Variants in DPP6 observed in about 807,000 individuals in gnomAD.
DPP6 encodes the protein A-type potassium channel modulatory protein DPP6.
Under a neutral mutation model 122.6 loss-of-function variants are expected in DPP6, and 69 were observed. That is an observed-to-expected ratio of 0.56 (90% confidence interval 0.46 to 0.69). The LOEUF (loss-of-function observed/expected upper bound fraction) is 0.69. DPP6 is among the 30% of genes least tolerant of loss of function. The pLI, the probability that DPP6 is intolerant of heterozygous loss-of-function variation, is 0.00. For missense variants in DPP6, 928 were observed against 1,116.9 expected (o/e 0.83, Z 2.41); for synonymous variants, 418 against 433.1 (o/e 0.97, Z 0.43).
At chr7:154,493,217 G>A (rs902661836) in intron 3 of DPP6, among the ~76,000 whole-genome samples, 1 of 152,158 alleles carries the variant, frequency 6.6e-6, no homozygotes, top group Non-Finnish European at 1.5e-5. Flanking sequence ...CAATAACTTC[G>A]TTAAGCCTCC....
the DPP6 span, among the ~76,000 whole-genome samples, chr7:153,829,993 G>C: frequency 6.6e-6 from 1 of 152,154 alleles, no homozygotes; most frequent in Non-Finnish European, 1.5e-5. Flanking sequence ...AGATTTCATC[G>C]GAGAAGCTAA....
chr7:153,862,304 G>T, the DPP6 span, among the ~76,000 whole-genome samples: 5 of 152,252 alleles, frequency 3.3e-5, no homozygotes, highest in African/African-American at 4.8e-5. Flanking sequence ...AAAGTTCAGG[G>T]ATTGCAAATG....
chr7:154,873,745 C>T (rs372193176), intron 19 of DPP6, among the ~76,000 whole-genome samples: 4 of 152,012 alleles, frequency 2.6e-5, no homozygotes, highest in South Asian at 2.1e-4. Flanking sequence ...TGCAGACACA[C>T]GCACCCACAC....
At chr7:153,816,996 A>G in the DPP6 span, among the ~76,000 whole-genome samples, 4 of 151,366 alleles carry the variant, frequency 2.6e-5, no homozygotes, top group Non-Finnish European at 4.4e-5. Flanking sequence ...TGCATGGCTT[A>G]CCCATATGGG....
rs971877176 is a variant in DPP6 at position 154,892,482 on chromosome 7, C to T, written c.*2C>T. The T allele has an allele frequency of 6.2e-7, 1 of 1,613,746 alleles. No homozygotes were observed. The highest frequency in any genetic ancestry group is 1.3e-5 in the African/African-American group (1 of 74,946). ...AAAGAGGACGAGGAGGAGGACTAAG[C>T]TCAGGTCGCTCTAAGCACAAACGTG... On this transcript the variant is annotated 3_prime_UTR_variant, in exon 26 of 26. Transcript: ENST00000377770.
intron 3 of DPP6, among the ~76,000 whole-genome samples, chr7:154,497,065 C>T (rs1824804815): frequency 6.6e-6 from 1 of 151,580 alleles, no homozygotes; most frequent in African/African-American, 2.4e-5. Context: ...CCTCCCTCCC[C>T]CCATGAACCA....
chr7:154,147,467 TTCC>T (rs1796155342), intron 1 of DPP6, among the ~76,000 whole-genome samples: 1 of 141,726 alleles, frequency 7.1e-6, no homozygotes, highest in African/African-American at 3.0e-5. Context: ...CCTTCCTTCC[TTCC>T]TTCCTTCCTT....
rs1335489564 is a variant in DPP6 at position 154,403,832 on chromosome 7, T to G, written c.244-42382T>G. Among the ~76,000 whole-genome samples the G allele has an allele frequency of 6.6e-6, 1 of 152,218 alleles. No individual in the cohort carries two copies. The highest frequency in any genetic ancestry group is 1.5e-5 in the Non-Finnish European group (1 of 68,030). ...ACAGCTCTTTATTTGGCTGTGAATATCCACCACTGTCTTCCTACTTCTCTT... is the reference window on the plus strand; with the variant it reads ...ACAGCTCTTTATTTGGCTGTGAATAGCCACCACTGTCTTCCTACTTCTCTT... On this transcript the variant is annotated intron_variant, in intron 1 of 25. Coordinates refer to ENST00000377770, the MANE Select transcript of DPP6 (RefSeq NM_130797.4). This position sits in a 1 kb window ranked among gnomAD's most constrained non-coding sequence, Gnocchi z 4.1.
rs186372888 is a variant in DPP6, at chr7:154,694,039, G to T, written c.762+24598G>T. ...AAATTGATTTTTCATCGTCCTGGAG[G>T]CTGGAAGTCAAGGTTAACTTGCTAG... On this transcript the variant is annotated intron_variant, in intron 7 of 25. Transcript: ENST00000377770. 6.6e-5 allele frequency among the ~76,000 whole-genome samples: 10 copies of T among 152,292 alleles called. No homozygotes were observed. In the East Asian group the frequency reaches 1.9e-3, roughly 29 times the overall value.
chr7:154,225,012 C>T (rs1403694462), intron 1 of DPP6, among the ~76,000 whole-genome samples: 1 of 152,032 alleles, frequency 6.6e-6, no homozygotes, highest in African/African-American at 2.4e-5. Flanking sequence ...CATGGTGGCA[C>T]ATACCTATGA....
chr7:153,924,230 TC>T (rs1800784703), intron 1 of DPP6, among the ~76,000 whole-genome samples: 1 of 151,982 alleles, frequency 6.6e-6, no homozygotes, highest in Non-Finnish European at 1.5e-5. Flanking sequence ...TGCCTCAGCC[TC>T]CCGAGTAGCT....
At chr7:154,541,177 T>C (rs1420556234) in intron 4 of DPP6, among the ~76,000 whole-genome samples, 2 of 152,244 alleles carry the variant, frequency 1.3e-5, no homozygotes, top group African/African-American at 4.8e-5. Context: ...TTGCCCAGGC[T>C]GGAGCGAAGT....
At chr7:153,892,903 A>G (rs1436852091) in intron 1 of DPP6, among the ~76,000 whole-genome samples, 1 of 152,112 alleles carries the variant, frequency 6.6e-6, no homozygotes, top group Non-Finnish European at 1.5e-5. Context: ...CCCTTCATAA[A>G]ATCATCACCC....
At chr7:154,153,862 T>C (rs1245314187) in intron 1 of DPP6, among the ~76,000 whole-genome samples, 3 of 152,176 alleles carry the variant, frequency 2.0e-5, no homozygotes, top group African/African-American at 7.2e-5. Flanking sequence ...GCCGCCATTG[T>C]GTAGCCTGAA....
intron 5 of DPP6, among the ~76,000 whole-genome samples, chr7:154,599,567 TTGTTACATATGTATACA>T (rs985647677): frequency 7.2e-5 from 11 of 151,994 alleles, no homozygotes; most frequent in East Asian, 5.8e-4. Flanking sequence ...ACGTGCAGGT[TTGTTACATATGTATACA>T]TGTTACATAT....
intron 1 of DPP6, among the ~76,000 whole-genome samples, chr7:153,919,753 C>T (rs1800545740): frequency 6.6e-6 from 1 of 152,176 alleles, no homozygotes; most frequent in Admixed American, 6.5e-5. Flanking sequence ...GCTTCGGCCT[C>T]TGTTTCATGA....
chr7:153,980,116 A>G (rs1166553887), intron 1 of DPP6, among the ~76,000 whole-genome samples: 16 of 152,202 alleles, frequency 1.1e-4, no homozygotes, highest in Admixed American at 9.2e-4. Context: ...TTTAGAAGGA[A>G]TGGTACCAGC....
At chr7:154,210,475 T>A (rs994337167) in intron 1 of DPP6, among the ~76,000 whole-genome samples, 1 of 152,228 alleles carries the variant, frequency 6.6e-6, no homozygotes, top group South Asian at 2.1e-4. Context: ...AATTGCAGTA[T>A]CTACCTGATA....
chr7:154,393,270 G>A (rs1290911223), intron 1 of DPP6, among the ~76,000 whole-genome samples: 1 of 152,146 alleles, frequency 6.6e-6, no homozygotes, highest in Non-Finnish European at 1.5e-5. Flanking sequence ...GAAGCAAATT[G>A]CAATCTGAAT....
Sources: allele counts gnomAD v4.1 joint callset (sites outside exome capture counted in the v4.1 genomes callset), GRCh38; gene constraint gnomAD v4.1.1; non-coding constraint Gnocchi (gnomAD v3.1); transcripts MANE v1.5; gene names NCBI Gene and HGNC (gene_info 2026-07-23, HGNC 2026-07-21).